Variants in HS6ST3 observed in about 807,000 individuals in gnomAD.
HS6ST3 encodes heparan-sulfate 6-O-sulfotransferase 3.
A neutral mutation model predicts 36.7 loss-of-function variants in HS6ST3; 12 were observed. That is an observed-to-expected ratio of 0.33 (90% CI 0.21 to 0.53). The LOEUF (loss-of-function observed/expected upper bound fraction) is 0.53. Among genes scored for constraint, HS6ST3 ranks in the 20% least tolerant of loss-of-function variants. HS6ST3 has a pLI of 0.95. For missense variants in HS6ST3, 584 were observed against 640.9 expected, an observed-to-expected ratio of 0.91 and a Z score of 0.96; for synonymous variants, 240 against 257.5, an observed-to-expected ratio of 0.93 and a Z score of 0.65.
In HS6ST3 at chr13:96,634,791, C is replaced by G. The variant is rs542327978; in HGVS notation, c.708-197699C>G. Among the ~76,000 whole-genome samples the G allele has an allele frequency of 7.7e-4, 118 of 152,260 alleles. 1 individual carries two copies. The highest frequency in any genetic ancestry group is 3.4e-3 in the Middle Eastern group (1 of 294). ...CACCCACTAAAGTGGTGTCTCTTCC[C>G]AGCGATTCTCGACTACTGCTTCTCT... On this transcript the variant is annotated intron_variant, in intron 1 of 1. Coordinates refer to ENST00000376705, the MANE Select transcript of HS6ST3 (RefSeq NM_153456.4).
chr13:96,532,886 G>C (rs1442284229), intron 1 of HS6ST3, among the ~76,000 whole-genome samples: 3 of 152,166 alleles, frequency 2.0e-5, no homozygotes, highest in Non-Finnish European at 4.4e-5. Context: ...GGAACAAAAA[G>C]AGGGTGGGAG....
At chr13:96,156,289 T>C (rs1456259577) in intron 1 of HS6ST3, among the ~76,000 whole-genome samples, 2 of 152,152 alleles carry the variant, frequency 1.3e-5, no homozygotes, top group Non-Finnish European at 2.9e-5. Context: ...TCTGATTTCC[T>C]AGCATCGGTG....
intron 1 of HS6ST3, among the ~76,000 whole-genome samples, chr13:96,173,617 CAA>C (rs371131547): frequency 6.4e-5 from 7 of 110,082 alleles, no homozygotes; most frequent in African/African-American, 2.5e-4. Flanking sequence ...TGAGGACAAA[CAA>C]GACTTACCTG....
intron 1 of HS6ST3, among the ~76,000 whole-genome samples, chr13:96,508,215 T>C (rs967127409): frequency 6.6e-6 from 1 of 152,048 alleles, no homozygotes; most frequent in Non-Finnish European, 1.5e-5. Flanking sequence ...ATAATTGCCA[T>C]TGGATATTTA....
intron 1 of HS6ST3, among the ~76,000 whole-genome samples, chr13:96,210,509 T>C (rs2054393522): frequency 6.6e-6 from 1 of 152,228 alleles, no homozygotes; most frequent in South Asian, 2.1e-4. Flanking sequence ...AAATGTTATC[T>C]TTCTGTGTAT....
At chr13:96,523,806 C>T (rs2056103293) in intron 1 of HS6ST3, among the ~76,000 whole-genome samples, 1 of 152,188 alleles carries the variant, frequency 6.6e-6, no homozygotes, top group Non-Finnish European at 1.5e-5. Context: ...TTACAACATG[C>T]TCCCTTAGCT....
In HS6ST3 at chr13:96,827,238, T is replaced by C. The variant is rs577840278; in HGVS notation, c.708-5252T>C. On this transcript the variant is annotated intron_variant, in intron 1 of 1. Coordinates refer to ENST00000376705, the MANE Select transcript of HS6ST3 (RefSeq NM_153456.4). ...CCAGTGTTTGGCAAATAGATGGGGC[T>C]TAATTAAAGTTTGGAGAATTAAAAA... 4.6e-5 allele frequency among the ~76,000 whole-genome samples: 7 copies of C among 152,340 alleles called. No individual in the cohort carries two copies. In the South Asian group the frequency reaches 1.5e-3, roughly 32 times the overall value.
chr13:96,618,988 G>T lies in HS6ST3; in HGVS notation c.708-213502G>T, dbSNP rs114113923. 5.5e-3 allele frequency among the ~76,000 whole-genome samples: 825 copies of T among 150,990 alleles called. 6 individuals carry two copies. Among genetic ancestry groups the T allele is most frequent in the African/African-American group, 0.019 (778 of 41,266 alleles). On this transcript the variant is annotated intron_variant, in intron 1 of 1. Coordinates refer to ENST00000376705, the MANE Select transcript of HS6ST3 (RefSeq NM_153456.4). The stretch of plus-strand genomic sequence containing the variant: ...ATTTAGCAAATATTTGGCAAGCAAA[G>T]AATATGGAGGAGTTGGGTTTTTTTT...
intron 1 of HS6ST3, among the ~76,000 whole-genome samples, chr13:96,352,965 A>C (rs2139431758): frequency 6.6e-6 from 1 of 151,816 alleles, no homozygotes; most frequent in East Asian, 1.9e-4. Context: ...CAGGACTTGA[A>C]CCCAGGCTGT....
chr13:96,500,874 G>A lies in HS6ST3; in HGVS notation c.708-331616G>A, dbSNP rs192264586. Among the ~76,000 whole-genome samples the A allele has an allele frequency of 8.5e-5, 13 of 152,286 alleles. No homozygotes were observed. The East Asian group carries it at 2.3e-3, about 27-fold the overall frequency. ...CTATAAAACTAACTGTAGTTGGCTT[G>A]CAAAGAGTAAGTGTGTGGCCATATT... is the stretch of plus-strand genomic sequence containing the variant. On this transcript the variant is annotated intron_variant, in intron 1 of 1. Coordinates refer to ENST00000376705, the MANE Select transcript of HS6ST3 (RefSeq NM_153456.4).
intron 1 of HS6ST3, among the ~76,000 whole-genome samples, chr13:96,272,151 G>A (rs537645688): frequency 1.3e-5 from 2 of 152,052 alleles, no homozygotes; most frequent in East Asian, 3.9e-4. Flanking sequence ...AGTACATGTG[G>A]CAGTTCAGAT....
chr13:96,396,006 A>T (rs889361238), intron 1 of HS6ST3, among the ~76,000 whole-genome samples: 2 of 151,996 alleles, frequency 1.3e-5, no homozygotes, highest in Non-Finnish European at 2.9e-5. Flanking sequence ...AATGATACCT[A>T]CCTCCATGTT....
chr13:96,545,612 C>T (rs549864435), intron 1 of HS6ST3, among the ~76,000 whole-genome samples: 2 of 152,262 alleles, frequency 1.3e-5, no homozygotes, highest in Admixed American at 1.3e-4. Flanking sequence ...AACCAAATCT[C>T]TATAAGGAGA....
intron 1 of HS6ST3, among the ~76,000 whole-genome samples, chr13:96,507,717 A>G (rs867158935): frequency 3.3e-5 from 5 of 152,090 alleles, no homozygotes; most frequent in South Asian, 2.1e-4. Flanking sequence ...TAAAAATGTA[A>G]ACAATTAAAA....
In HS6ST3 at chr13:96,182,705, G is replaced by A. The variant is rs540303315; in HGVS notation, c.707+91136G>A. ...TAGCATCAAATGTAATATACCTGTT[G>A]TGAATAAGCAAATAAAATCCTTAAC... On this transcript the variant is annotated intron_variant, in intron 1 of 1. Coordinates refer to ENST00000376705, the MANE Select transcript of HS6ST3 (RefSeq NM_153456.4). 9.2e-5 allele frequency among the ~76,000 whole-genome samples: 14 copies of A among 152,266 alleles called. No homozygotes were observed. The South Asian group carries it at 2.7e-3, about 29-fold the overall frequency.
chr13:96,245,559 T>C (rs753019391), intron 1 of HS6ST3, among the ~76,000 whole-genome samples: 4 of 152,144 alleles, frequency 2.6e-5, no homozygotes, highest in Admixed American at 1.3e-4. Context: ...TAGACCCTAT[T>C]GGTTGCTCCC....
chr13:96,198,683 A>G (rs866589399), intron 1 of HS6ST3, among the ~76,000 whole-genome samples: 4 of 152,272 alleles, frequency 2.6e-5, no homozygotes, highest in East Asian at 1.9e-4. Context: ...CAAGTTCCTC[A>G]TCTCCATCTG....
chr13:96,783,158 A>G (rs1214880856), intron 1 of HS6ST3, among the ~76,000 whole-genome samples: 1 of 152,236 alleles, frequency 6.6e-6, no homozygotes, highest in Non-Finnish European at 1.5e-5. Flanking sequence ...AAACAGAATT[A>G]TGGAACTGGC....
chr13:96,369,393 A>G (rs1448750484), intron 1 of HS6ST3, among the ~76,000 whole-genome samples: 1 of 152,132 alleles, frequency 6.6e-6, no homozygotes, highest in Non-Finnish European at 1.5e-5. Context: ...CAGAAAGCAG[A>G]TGCCTTAAGG....
Sources: allele counts gnomAD v4.1 joint callset (sites outside exome capture counted in the v4.1 genomes callset), GRCh38; gene constraint gnomAD v4.1.1; transcripts MANE v1.5; gene names NCBI Gene and HGNC (gene_info 2026-07-23, HGNC 2026-07-21).